DNM3: variants seen among roughly 807,000 people sequenced by gnomAD.
The protein encoded by DNM3 is dynamin 3, also known as dynamin-3.
DNM3 carries 47 observed loss-of-function variants against 101.6 expected under a neutral mutation model. The observed-to-expected ratio is 0.46, with a 90% confidence interval of 0.37 to 0.59. DNM3 has a LOEUF of 0.59. DNM3 is among the 20% of genes least tolerant of loss of function. The pLI is 0.00. For synonymous variants in DNM3, 385 were observed against 387.9 expected (o/e 0.99, Z 0.09); for missense variants, 849 against 1,085.7 (o/e 0.78, Z 3.06).
At chr1:172,059,193 G>A (rs2050929746) in intron 10 of DNM3, among the ~76,000 whole-genome samples, 1 of 148,688 alleles carries the variant, frequency 6.7e-6, no homozygotes, top group South Asian at 2.2e-4. Flanking sequence ...TGAAATTGTG[G>A]CAATAATCAA....
At chr1:172,080,792 G>A (rs910611598) in intron 11 of DNM3, among the ~76,000 whole-genome samples, 5 of 152,310 alleles carry the variant, frequency 3.3e-5, no homozygotes, top group East Asian at 3.9e-4. Flanking sequence ...TGCAGGTTGC[G>A]AAGACCATGG....
At chr1:172,377,183 AAT>A (rs1175669126) in intron 17 of DNM3, among the ~76,000 whole-genome samples, 1 of 151,726 alleles carries the variant, frequency 6.6e-6, no homozygotes, top group African/African-American at 2.4e-5. Context: ...GACTTAAAAT[AAT>A]ATTTATCTAA....
intron 1 of DNM3, among the ~76,000 whole-genome samples, chr1:171,873,534 A>G (rs1219208275): frequency 1.3e-5 from 2 of 152,092 alleles, no homozygotes; most frequent in African/African-American, 4.8e-5. Context: ...AGGGCCATGG[A>G]CCAAAGGAAA....
intron 15 of DNM3, among the ~76,000 whole-genome samples, chr1:172,283,135 AT>A (rs2063552839): frequency 6.6e-6 from 1 of 151,968 alleles, no homozygotes; most frequent in African/African-American, 2.4e-5. Context: ...GTTTCTTCTC[AT>A]TTTTTTCCTC....
chr1:172,170,550 G>A (rs2058918694), intron 14 of DNM3, among the ~76,000 whole-genome samples: 1 of 151,904 alleles, frequency 6.6e-6, no homozygotes, highest in South Asian at 2.1e-4. Flanking sequence ...CTAGTATGGG[G>A]AAATGAAATA....
At chr1:171,851,449 G>A (rs970908621) in intron 1 of DNM3, among the ~76,000 whole-genome samples, 7 of 152,120 alleles carry the variant, frequency 4.6e-5, no homozygotes, top group Non-Finnish European at 7.4e-5. Flanking sequence ...TCGCTCTGTC[G>A]TCCCGGCTGA....
intron 2 of DNM3, among the ~76,000 whole-genome samples, chr1:171,957,417 C>G (rs1171477722): frequency 2.0e-5 from 3 of 152,040 alleles, no homozygotes; most frequent in Admixed American, 1.3e-4. Context: ...CTAGGATGGA[C>G]TCGATCTCCT....
intron 17 of DNM3, among the ~76,000 whole-genome samples, chr1:172,333,435 CA>C (rs1448006338): frequency 6.6e-6 from 1 of 152,084 alleles, no homozygotes; most frequent in Non-Finnish European, 1.5e-5. Context: ...TAAAATTAAG[CA>C]ATCTGAATAG....
chr1:172,151,108 A>G (rs1190155471), intron 14 of DNM3, among the ~76,000 whole-genome samples: 2 of 152,184 alleles, frequency 1.3e-5, no homozygotes, highest in Non-Finnish European at 2.9e-5. Flanking sequence ...ATTTGTATAT[A>G]TATTTAAACT....
chr1:172,117,454 T>C (rs2055994886), intron 13 of DNM3, among the ~76,000 whole-genome samples: 1 of 152,160 alleles, frequency 6.6e-6, no homozygotes, highest in Non-Finnish European at 1.5e-5. Context: ...ATTCTCATGA[T>C]AGTGAGTAAG....
At chr1:172,193,896 T>C (rs183419293) in intron 14 of DNM3, among the ~76,000 whole-genome samples, 1,746 of 152,110 alleles carry the variant, frequency 0.011, 16 homozygotes, top group African/African-American at 0.014. Flanking sequence ...TTCTTGCCTT[T>C]TGCTAGCTTT....
chr1:172,025,279 T>G (rs1390694737), intron 4 of DNM3, among the ~76,000 whole-genome samples: 6 of 152,188 alleles, frequency 3.9e-5, no homozygotes, highest in African/African-American at 1.4e-4. Flanking sequence ...AGGGCATCTC[T>G]GAAAGAAAGG....
chr1:172,321,089 G>A (rs1040710281), intron 16 of DNM3, among the ~76,000 whole-genome samples: 8 of 152,140 alleles, frequency 5.3e-5, no homozygotes, highest in Admixed American at 3.3e-4. Context: ...TTTTTAGGTC[G>A]GCTTTGCAGA....
chr1:172,274,337 A>G (rs10752923), intron 15 of DNM3, among the ~76,000 whole-genome samples: 142,853 of 152,110 alleles, frequency 0.94, 67,151 homozygotes, highest in Non-Finnish European at 0.96. Context: ...TGAAGATGCT[A>G]GAAATGTGTT....
chr1:172,182,029 T>G (rs2059367034), intron 14 of DNM3, among the ~76,000 whole-genome samples: 1 of 151,832 alleles, frequency 6.6e-6, no homozygotes, highest in Non-Finnish European at 1.5e-5. Context: ...ATGTAAGGGG[T>G]TTCAAGACTG....
chr1:172,253,965 G>A (rs1415399376), intron 15 of DNM3, among the ~76,000 whole-genome samples: 1 of 151,098 alleles, frequency 6.6e-6, no homozygotes, highest in East Asian at 1.9e-4. Flanking sequence ...TTTTTGAGAC[G>A]GGATCTCACT....
In DNM3 at chr1:172,411,981, T is replaced by G; in HGVS notation, c.*4140T>G. 1.0e-6 allele frequency: 1 copy of G among 985,796 alleles called. No homozygotes were observed. Among genetic ancestry groups the G allele is most frequent in the Non-Finnish European group, 1.2e-6 (1 of 829,876 alleles). The allele number at this position is 985,796 out of a possible 1,614,324, so 61.1% of individuals were successfully genotyped here. A position where few individuals can be genotyped will look rare whatever the true frequency, so the allele number is the denominator to read the frequency against. ...GGTTGCTATGTTTAAAATTATGTGGTGCTGTGTAGGTGAAACTTTAAGAAT... is the reference window on the plus strand; with the variant it reads ...GGTTGCTATGTTTAAAATTATGTGGGGCTGTGTAGGTGAAACTTTAAGAAT... On this transcript the variant is annotated 3_prime_UTR_variant, in exon 21 of 21. Transcript: ENST00000627582.
chr1:171,974,748 C>T (rs543949300), intron 2 of DNM3, among the ~76,000 whole-genome samples: 2 of 152,252 alleles, frequency 1.3e-5, no homozygotes, highest in Admixed American at 1.3e-4. Flanking sequence ...AAGTTTATCC[C>T]AATTTAGATA....
intron 1 of DNM3, among the ~76,000 whole-genome samples, chr1:171,859,380 G>A (rs2033945738): frequency 6.6e-6 from 1 of 152,214 alleles, no homozygotes; most frequent in African/African-American, 2.4e-5. Context: ...ACCACATTGT[G>A]TTAAATTATC....
Sources: gnomAD v4.1 joint callset for allele counts (sites outside exome capture counted in the v4.1 genomes callset) on GRCh38, gnomAD v4.1.1 for gene constraint, MANE v1.5 for transcripts, NCBI Gene and HGNC (gene_info 2026-07-23, HGNC 2026-07-21) for gene names.